Variants in FHIT observed in about 807,000 individuals in gnomAD.
The protein encoded by FHIT is fragile histidine triad diadenosine triphosphatase.
FHIT carries 19 observed loss-of-function variants against 17.9 expected under a neutral mutation model. That is an observed-to-expected ratio of 1.06 (90% CI 0.74 to 1.56). FHIT has a LOEUF of 1.56. FHIT is among the 40% of genes most tolerant of loss of function. The pLI, the probability that FHIT is intolerant of heterozygous loss-of-function variation, is 0.00. For missense variants in FHIT, 248 were observed against 189.2 expected (o/e 1.31, Z -1.82); for synonymous variants, 81 against 69.7 (o/e 1.16, Z -0.81).
chr3:59,956,300 C>T (rs1707393648), intron 7 of FHIT, among the ~76,000 whole-genome samples: 1 of 151,938 alleles, frequency 6.6e-6, no homozygotes, highest in Admixed American at 6.6e-5. Context: ...AGCACACAGC[C>T]TCCCAGGAGG....
chr3:61,056,329 G>A (rs1447580142), intron 2 of FHIT, among the ~76,000 whole-genome samples: 2 of 152,214 alleles, frequency 1.3e-5, no homozygotes, highest in Non-Finnish European at 2.9e-5. Flanking sequence ...AAGGAAGCGA[G>A]GTTGAAGAGC....
At chr3:59,833,944 C>T (rs1701252713) in intron 8 of FHIT, among the ~76,000 whole-genome samples, 1 of 152,178 alleles carries the variant, frequency 6.6e-6, no homozygotes, top group Non-Finnish European at 1.5e-5. Flanking sequence ...TTGCCTTCCA[C>T]CATGACTATA....
At chr3:60,486,688 A>T (rs2033856597) in intron 5 of FHIT, among the ~76,000 whole-genome samples, 2 of 152,174 alleles carry the variant, frequency 1.3e-5, no homozygotes, top group African/African-American at 2.4e-5. Context: ...AGCTTCAAAG[A>T]TGTACTTTTG....
chr3:60,193,211 C>G (rs1702481771), intron 5 of FHIT, among the ~76,000 whole-genome samples: 1 of 152,280 alleles, frequency 6.6e-6, no homozygotes. Flanking sequence ...AGCCTAAATG[C>G]GGATGTGAGT....
intron 5 of FHIT, among the ~76,000 whole-genome samples, chr3:60,031,265 C>T (rs191115550): frequency 2.0e-5 from 3 of 152,302 alleles, no homozygotes; most frequent in Non-Finnish European, 4.4e-5. Context: ...TTTCTGTCAA[C>T]CTGGGAGCCA....
intron 3 of FHIT, among the ~76,000 whole-genome samples, chr3:60,865,650 T>C (rs1233738035): frequency 6.6e-6 from 1 of 152,120 alleles, no homozygotes; most frequent in African/African-American, 2.4e-5. Context: ...CCCAGCTCTG[T>C]CTTGGGCTCT....
intron 5 of FHIT, among the ~76,000 whole-genome samples, chr3:60,192,250 CAA>C (rs71089591): frequency 0.037 from 4,528 of 121,516 alleles, 93 homozygotes; most frequent in Middle Eastern, 0.12. Flanking sequence ...CACTATGTCT[CAA>C]AAAAAAAAAA....
chr3:61,031,788 T>A (rs79596353), intron 3 of FHIT, among the ~76,000 whole-genome samples: 1 of 152,186 alleles, frequency 6.6e-6, no homozygotes, highest in Non-Finnish European at 1.5e-5. Context: ...GAAGTTATAC[T>A]GAACAGGCAA....
In FHIT at chr3:60,032,402, T is replaced by C. The variant is rs141587631; in HGVS notation, c.104-18250A>G. Among the ~76,000 whole-genome samples, 349 of 151,968 alleles carry C rather than the reference T, an allele frequency of 2.3e-3. 2 individuals are homozygous for C. Among genetic ancestry groups the C allele is most frequent in the African/African-American group, 8.1e-3 (334 of 41,446 alleles). Reference sequence around the variant, plus strand: ...AGGAGTTCAAAGTTGCAGTAAGCTATGATCATACTACTGCACTCCAGCCTA... The same window carrying C: ...AGGAGTTCAAAGTTGCAGTAAGCTACGATCATACTACTGCACTCCAGCCTA... On this transcript the variant is annotated intron_variant, in intron 5 of 9. Transcript: ENST00000492590.
intron 5 of FHIT, among the ~76,000 whole-genome samples, chr3:60,425,888 TGAA>T (rs1266679977): frequency 6.6e-6 from 1 of 152,054 alleles, no homozygotes; most frequent in Non-Finnish European, 1.5e-5. Context: ...TAAGATGCCA[TGAA>T]GAAGGAAAAG....
chr3:60,213,554 A>G (rs775470582), intron 5 of FHIT, among the ~76,000 whole-genome samples: 6 of 152,176 alleles, frequency 3.9e-5, no homozygotes, highest in Non-Finnish European at 5.9e-5. Flanking sequence ...CAGTTTTCCA[A>G]TGAATCCCAA....
chr3:60,706,494 G>C (rs747445824), intron 4 of FHIT, among the ~76,000 whole-genome samples: 47 of 152,120 alleles, frequency 3.1e-4, no homozygotes, highest in Non-Finnish European at 6.2e-4. Context: ...ATCATATCAG[G>C]GTTAGAGGAC....
chr3:60,413,958 G>C (rs943073775), intron 5 of FHIT, among the ~76,000 whole-genome samples: 3 of 152,138 alleles, frequency 2.0e-5, no homozygotes, highest in African/African-American at 7.2e-5. Context: ...TTACAATCTA[G>C]TCAGAAAAAC....
At position 60,281,864 on chromosome 3, in the gene FHIT, A is replaced by T. The variant is rs377250267; in HGVS notation, c.103+254996T>A. Among the ~76,000 whole-genome samples, 4 of 152,312 alleles carry T rather than the reference A, an allele frequency of 2.6e-5. No homozygotes were observed. In the East Asian group the frequency reaches 7.7e-4, roughly 29 times the overall value. ...ATTTAAAACTTTTGCTCTACAAAAA[A>T]TACTGTTAAGAGAATGAAAGGACAA... On this transcript the variant is annotated intron_variant, in intron 5 of 9. Coordinates refer to ENST00000492590, the MANE Select transcript of FHIT (RefSeq NM_002012.4).
At chr3:61,081,846 C>A (rs2035148119) in intron 2 of FHIT, among the ~76,000 whole-genome samples, 1 of 152,120 alleles carries the variant, frequency 6.6e-6, no homozygotes, top group African/African-American at 2.4e-5. Flanking sequence ...CTTCAAATAT[C>A]TTTTTGGGGG....
chr3:60,939,264 T>C (rs1270696297), intron 3 of FHIT, among the ~76,000 whole-genome samples: 3 of 152,218 alleles, frequency 2.0e-5, no homozygotes, highest in African/African-American at 7.2e-5. Context: ...ATTATTTCCT[T>C]AGGGAATATT....
chr3:60,966,178 C>T (rs1436315759), intron 3 of FHIT, among the ~76,000 whole-genome samples: 3 of 152,170 alleles, frequency 2.0e-5, no homozygotes, highest in African/African-American at 7.2e-5. Context: ...CCTTGTGGTT[C>T]GAACTCAGAC....
intron 8 of FHIT, among the ~76,000 whole-genome samples, chr3:59,853,341 G>A (rs1702019468): frequency 1.3e-5 from 2 of 152,134 alleles, no homozygotes; most frequent in African/African-American, 4.8e-5. Context: ...TTTCAAACTG[G>A]CCATTGTAAG....
At chr3:60,579,114 C>A (rs2037670094) in intron 4 of FHIT, among the ~76,000 whole-genome samples, 1 of 152,110 alleles carries the variant, frequency 6.6e-6, no homozygotes, top group African/African-American at 2.4e-5. Context: ...TCATGCATTG[C>A]TTAACAATGA....
Sources: allele counts gnomAD v4.1 joint callset (sites outside exome capture counted in the v4.1 genomes callset), GRCh38; gene constraint gnomAD v4.1.1; transcripts MANE v1.5; gene names NCBI Gene and HGNC (gene_info 2026-07-23, HGNC 2026-07-21).